The following ACVR1C variants were observed in gnomAD, a reference collection of about 807,000 sequenced individuals.
ACVR1C encodes activin A receptor type 1C, also known as activin receptor type-1C.
ACVR1C carries 23 observed loss-of-function variants against 57.9 expected under a neutral mutation model. The ratio of observed to expected loss-of-function variants is 0.40; its 90% confidence interval spans 0.29 to 0.56. The LOEUF (loss-of-function observed/expected upper bound fraction) is 0.56, where lower values mean the gene tolerates loss of function less well. Ranked by LOEUF, ACVR1C falls within the 20% of genes least tolerant of loss-of-function variation. The pLI is 0.50. For missense variants in ACVR1C, 480 were observed against 607.9 expected, an observed-to-expected ratio of 0.79 and a Z score of 2.21; for synonymous variants, 214 against 215.3, an observed-to-expected ratio of 0.99 and a Z score of 0.05.
chr2:157,607,219 C>T (rs1027716592), intron 1 of ACVR1C, among the ~76,000 whole-genome samples: 5 of 151,758 alleles, frequency 3.3e-5, no homozygotes, highest in Admixed American at 6.6e-5. Context: ...CTATAGCCTT[C>T]CAATATGTTT....
chr2:157,561,837 C>G (rs1302468242), intron 2 of ACVR1C, among the ~76,000 whole-genome samples: 3 of 152,096 alleles, frequency 2.0e-5, no homozygotes, highest in Non-Finnish European at 2.9e-5. Flanking sequence ...TAAGTTGGTT[C>G]AAAGATTAGC....
In ACVR1C at chr2:157,532,059, T is replaced by C. The variant is rs1392690243; in HGVS notation, c.*1859A>G. The C allele has an allele frequency of 2.6e-5, 4 of 152,114 alleles. No individual in the cohort carries two copies. The highest frequency in any genetic ancestry group is 4.4e-5 in the Non-Finnish European group (3 of 67,990). 9.4% of individuals were successfully genotyped at this position (152,114 alleles called of 1,614,324 possible). On this transcript the variant is annotated 3_prime_UTR_variant, in exon 9 of 9. Transcript: ENST00000243349. ...ATAAGTGGATGAGAGCATTAACGAG[T>C]ATGGAAGTACACGCAAACTCCATAG...
At chr2:157,604,447 C>T (rs1032951356) in intron 1 of ACVR1C, among the ~76,000 whole-genome samples, 4 of 152,084 alleles carry the variant, frequency 2.6e-5, no homozygotes, top group Non-Finnish European at 5.9e-5. Flanking sequence ...TTTTTGAATG[C>T]ATATACAACC....
rs375050702 is a variant in ACVR1C at position 157,545,813 on chromosome 2, C to T, written c.776-1201G>A. Among the ~76,000 whole-genome samples, 5 of 152,174 alleles carry T rather than the reference C, an allele frequency of 3.3e-5. No individual in the cohort carries two copies. In the East Asian group the frequency reaches 7.7e-4, roughly 23 times the overall value. ...TTTTTGAGACAGCATGTCGCTCTGT[C>T]GCTTAGGCTGGAGTGCAGTGTCGCA... On this transcript the variant is annotated intron_variant, in intron 4 of 8. Transcript: ENST00000243349.
chr2:157,626,646 A>G (rs897321101), intron 1 of ACVR1C, among the ~76,000 whole-genome samples: 4 of 152,286 alleles, frequency 2.6e-5, no homozygotes, highest in Non-Finnish European at 5.9e-5. Flanking sequence ...TAACCATGTC[A>G]TAAAACCAAT....
chr2:157,582,828 G>A (rs1688823185), intron 2 of ACVR1C, among the ~76,000 whole-genome samples: 1 of 152,192 alleles, frequency 6.6e-6, no homozygotes, highest in South Asian at 2.1e-4. Flanking sequence ...TGCAGAAAAT[G>A]CCAAAGAATC....
At chr2:157,543,690 T>G (rs1687672348) in intron 5 of ACVR1C, among the ~76,000 whole-genome samples, 1 of 152,238 alleles carries the variant, frequency 6.6e-6, no homozygotes, top group African/African-American at 2.4e-5. Context: ...TAATTGACTC[T>G]CTAGAGCCAA....
At chr2:157,540,866 T>C (rs932311934) in intron 7 of ACVR1C, among the ~76,000 whole-genome samples, 14 of 152,132 alleles carry the variant, frequency 9.2e-5, no homozygotes, top group Non-Finnish European at 2.1e-4. Context: ...AAACAAAAAT[T>C]ATCAGGGGAA....
intron 1 of ACVR1C, among the ~76,000 whole-genome samples, chr2:157,623,770 A>G (rs1403128248): frequency 6.6e-6 from 1 of 152,176 alleles, no homozygotes; most frequent in African/African-American, 2.4e-5. Context: ...CTCAAAGGAT[A>G]AAATGCTTGA....
In ACVR1C at chr2:157,556,585, A is replaced by G. The variant is rs576787486; in HGVS notation, c.305-253T>C. The stretch of plus-strand genomic sequence containing the variant: ...AGGATAATGGAAACTAGCACATGGG[A>G]TCTGTTTTAGGATCTCTGAAGCATT... On this transcript the variant is annotated intron_variant, in intron 2 of 8. Coordinates refer to ENST00000243349, the MANE Select transcript of ACVR1C (RefSeq NM_145259.3). Among the ~76,000 whole-genome samples, 6 of 149,820 alleles carry G rather than the reference A, an allele frequency of 4.0e-5. No individual in the cohort carries two copies. In the South Asian group the frequency reaches 1.3e-3, roughly 32 times the overall value.
chr2:157,541,046 G>A (rs1234067585), intron 7 of ACVR1C, 44 bp downstream of exon 7: 4 of 1,595,528 alleles, frequency 2.5e-6, no homozygotes, highest in Middle Eastern at 1.7e-4. Flanking sequence ...TGTATTCAGA[G>A]TATCAAGGAA....
intron 1 of ACVR1C, among the ~76,000 whole-genome samples, chr2:157,589,840 A>C (rs894122409): frequency 4.6e-5 from 7 of 151,994 alleles, no homozygotes; most frequent in Admixed American, 1.3e-4. Flanking sequence ...AGACACATAG[A>C]CCAATGAAAC....
At chr2:157,550,045 A>T in intron 4 of ACVR1C, 117 bp downstream of exon 4, 1 of 859,864 alleles carries the variant, frequency 1.2e-6, no homozygotes, top group Non-Finnish European at 1.7e-6. Flanking sequence ...AAAAAAAAAA[A>T]AAGAAGAGGT....
chr2:157,601,263 G>C (rs1045048860), intron 1 of ACVR1C, among the ~76,000 whole-genome samples: 1 of 152,032 alleles, frequency 6.6e-6, no homozygotes, highest in African/African-American at 2.4e-5. Flanking sequence ...GTTGCAGTGA[G>C]CTGAGATTGC....
At chr2:157,628,369 A>T (rs1333720581) in intron 1 of ACVR1C, among the ~76,000 whole-genome samples, 2 of 150,770 alleles carry the variant, frequency 1.3e-5, no homozygotes, top group African/African-American at 4.9e-5. Context: ...TCCCCAACAC[A>T]CCTGTCTACC....
At chr2:157,544,647 C>A in intron 4 of ACVR1C, 35 bp from the exon 5 acceptor site, 1 of 1,557,614 alleles carries the variant, frequency 6.4e-7, no homozygotes, top group Non-Finnish European at 8.8e-7. Context: ...GTTGTAAATA[C>A]ATATTGAGAA....
intron 1 of ACVR1C, among the ~76,000 whole-genome samples, chr2:157,612,239 G>A (rs975889211): frequency 3.9e-5 from 6 of 152,136 alleles, no homozygotes; most frequent in Non-Finnish European, 8.8e-5. Flanking sequence ...GGGGGTTAGT[G>A]GGGAGGGACC....
At chr2:157,537,319 G>A (rs527848884) in intron 8 of ACVR1C, among the ~76,000 whole-genome samples, 4 of 151,908 alleles carry the variant, frequency 2.6e-5, no homozygotes, top group Non-Finnish European at 5.9e-5. Context: ...AAACCTGGTA[G>A]TGGATTCACT....
At chr2:157,583,110 C>T (rs988417581) in intron 2 of ACVR1C, among the ~76,000 whole-genome samples, 1 of 152,156 alleles carries the variant, frequency 6.6e-6, no homozygotes, top group Non-Finnish European at 1.5e-5. Context: ...ATCTGCCCAC[C>T]GTAGCCTCCC....
Sources: gnomAD v4.1 joint callset for allele counts (sites outside exome capture counted in the v4.1 genomes callset) on GRCh38, gnomAD v4.1.1 for gene constraint, MANE v1.5 for transcripts, NCBI Gene and HGNC (gene_info 2026-07-23, HGNC 2026-07-21) for gene names.